Variants in FLRT3 observed in about 807,000 individuals in gnomAD.
The protein encoded by FLRT3 is leucine-rich repeat transmembrane protein FLRT3.
A neutral mutation model predicts 42.6 loss-of-function variants in FLRT3; 17 were observed. The observed-to-expected ratio is 0.40, with a 90% CI of 0.27 to 0.60. The LOEUF (loss-of-function observed/expected upper bound fraction) is 0.60. Among genes scored for constraint, FLRT3 ranks in the 20% least tolerant of loss-of-function variants. The pLI is 0.44. For missense variants in FLRT3, 635 were observed against 789.2 expected, an observed-to-expected ratio of 0.80 and a Z score of 2.34; for synonymous variants, 279 against 286.4, an observed-to-expected ratio of 0.97 and a Z score of 0.26.
At chr20:14,330,276 T>C (rs567446186) in intron 1 of FLRT3, among the ~76,000 whole-genome samples, 13 of 152,158 alleles carry the variant, frequency 8.5e-5, no homozygotes, top group African/African-American at 3.1e-4. Flanking sequence ...TGCACGAAGA[T>C]TTTTTGAGAG....
intron 2 of FLRT3, chr20:14,328,777 A>C (rs1379674070): frequency 3.3e-5 from 5 of 152,122 alleles, no homozygotes; most frequent in Admixed American, 3.3e-4. Context: ...GCTGCAGTTC[A>C]GCATGGTGGG....
At chr20:14,332,084 A>G (rs1026938322) in intron 1 of FLRT3, among the ~76,000 whole-genome samples, 27 of 152,204 alleles carry the variant, frequency 1.8e-4, no homozygotes, top group Admixed American at 9.2e-4. Flanking sequence ...TTATTTAACT[A>G]TAAAACACTT....
intron 1 of FLRT3, among the ~76,000 whole-genome samples, chr20:14,331,762 C>A (rs892403931): frequency 1.3e-5 from 2 of 152,038 alleles, no homozygotes; most frequent in African/African-American, 4.8e-5. Flanking sequence ...CAAAAATGAA[C>A]GATCCTCTCC....
chr20:14,325,662 A>G lies in FLRT3; in HGVS notation c.1845T>C (p.Phe615=). 6.2e-7 allele frequency: 1 copy of G among 1,613,802 alleles called. No homozygotes were observed. Among genetic ancestry groups the G allele is most frequent in the Non-Finnish European group, 8.5e-7 (1 of 1,179,782 alleles). ...SKEEFVIHTI[F]PPNGMNLYKN... is the part of the protein sequence containing the mutation. The stretch of plus-strand genomic sequence containing the variant: ...TGTACAGATTCATTCCATTAGGAGG[A>G]AATATGGTGTGTATTACAAACTCCT... Residue 615 remains phenylalanine (F), a synonymous_variant, in exon 3 of 3, where the codon TTT becomes TTC. Transcript: ENST00000341420.
rs2082720411 is a variant in FLRT3, at chr20:14,325,624, C to T, written c.1883G>A (p.Ser628Asn). 3 of 1,613,504 alleles carry T rather than the reference C, an allele frequency of 1.9e-6. No individual in the cohort carries two copies. Among genetic ancestry groups the T allele is most frequent in the African/African-American group, 2.7e-5 (2 of 74,856 alleles). The change falls in exon 3 of 3, where the codon AGT becomes AAT. Residue 628 changes from serine (S) to asparagine (N), a missense_variant. Coordinates refer to ENST00000341420, the MANE Select transcript of FLRT3 (RefSeq NM_198391.3). The part of the protein sequence containing the change: ...NGMNLYKNNH[S>N]ESSSNRSYRD... ...GTAGCTTCGGTTACTACTGCTTTCA[C>T]TGTGATTGTTTTTGTACAGATTCAT...
Position 14,324,520 on chromosome 20 carries a change from A to G in FLRT3, c.*1037T>C, listed in dbSNP as rs2082704125. 3.3e-5 allele frequency: 5 copies of G among 152,622 alleles called. No homozygotes were observed. The South Asian group carries it at 1.0e-3, about 32-fold the overall frequency. 9.5% of individuals were successfully genotyped at this position (152,622 alleles called of 1,614,324 possible). A position where few individuals can be genotyped will look rare whatever the true frequency, so the allele number is the denominator to read the frequency against. On this transcript the variant is annotated 3_prime_UTR_variant, in exon 3 of 3. Coordinates refer to ENST00000341420, the MANE Select transcript of FLRT3 (RefSeq NM_198391.3). ...ACCAGATCTAAATTTGATGTCTAGT[A>G]TTTATTTTTCTTTAAATTATCTCTT...
chr20:14,336,430 C>T (rs924450504), intron 1 of FLRT3, among the ~76,000 whole-genome samples: 19 of 152,184 alleles, frequency 1.2e-4, no homozygotes, highest in African/African-American at 4.6e-4. Flanking sequence ...TACCTATATG[C>T]AACCATTTTG....
At chr20:14,330,100 A>T (rs2082806567) in intron 1 of FLRT3, among the ~76,000 whole-genome samples, 1 of 152,040 alleles carries the variant, frequency 6.6e-6, no homozygotes, top group African/African-American at 2.4e-5. Flanking sequence ...CCTTGTAGTG[A>T]CCATTAGGAA....
chr20:14,326,564 A>G lies in FLRT3; in HGVS notation c.943T>C (p.Trp315Arg). The change falls in exon 3 of 3, where the codon TGG (tryptophan) becomes CGG (arginine). Residue 315 changes from tryptophan (W) to arginine (R), a missense_variant. By Grantham distance (101) the Trp-to-Arg change is moderately radical. Transcript: ENST00000341420. The surrounding 1 kb of genome is among the most constrained non-coding windows in gnomAD (Gnocchi z 5.5). ...NPWYCGCKMK[W>R]VRDWLQSLPV... Reference sequence around the variant, plus strand: ...AGTGATTGTAACCAGTCACGTACCCATTTCATCTTGCACCCGCAATACCAG... The same window carrying G: ...AGTGATTGTAACCAGTCACGTACCCGTTTCATCTTGCACCCGCAATACCAG... 6.2e-7 allele frequency: 1 copy of G among 1,613,898 alleles called. No individual in the cohort carries two copies. Among genetic ancestry groups the G allele is most frequent in the Admixed American group, 1.7e-5 (1 of 59,976 alleles).
chr20:14,327,456 C>G lies in FLRT3; in HGVS notation c.51G>C (p.Leu17=). The G allele has an allele frequency of 1.2e-6, 2 of 1,613,440 alleles. No homozygotes were observed. Among genetic ancestry groups the G allele is most frequent in the Non-Finnish European group, 1.7e-6 (2 of 1,179,584 alleles). Reference sequence around the variant, plus strand: ...CTGATAGAGGTGCTACTTGAAGGAACAGCCCAATTTTAGTCCCGATGAGGA... The same window carrying G: ...CTGATAGAGGTGCTACTTGAAGGAAGAGCCCAATTTTAGTCCCGATGAGGA... ...SIFLIGTKIG[L]FLQVAPLSVM... Residue 17 remains leucine, a synonymous_variant, in exon 3 of 3, where the codon CTG becomes CTC. Coordinates refer to ENST00000341420, the MANE Select transcript of FLRT3 (RefSeq NM_198391.3).
chr20:14,333,457 G>T (rs2082879604), intron 1 of FLRT3, among the ~76,000 whole-genome samples: 1 of 152,162 alleles, frequency 6.6e-6, no homozygotes. Context: ...ATGAATTAGA[G>T]AACAAGAGTT....
chr20:14,331,302 A>T (rs980931652), intron 1 of FLRT3, among the ~76,000 whole-genome samples: 1 of 152,124 alleles, frequency 6.6e-6, no homozygotes, highest in African/African-American at 2.4e-5. Context: ...TTTTTAACCC[A>T]GAGAATGAAA....
At chr20:14,328,407 G>GT (rs1215553620) in intron 2 of FLRT3, among the ~76,000 whole-genome samples, 1 of 152,044 alleles carries the variant, frequency 6.6e-6, no homozygotes, top group African/African-American at 2.4e-5. Context: ...TGTTGTCACA[G>GT]TGCATTTATA....
intron 1 of FLRT3, among the ~76,000 whole-genome samples, chr20:14,332,206 T>G (rs1046311630): frequency 1.3e-5 from 2 of 152,122 alleles, no homozygotes; most frequent in East Asian, 1.9e-4. Context: ...AATTGTGGGG[T>G]TTTTTTGCAT....
At chr20:14,331,974 C>T (rs2082850343) in intron 1 of FLRT3, among the ~76,000 whole-genome samples, 1 of 152,082 alleles carries the variant, frequency 6.6e-6, no homozygotes, top group South Asian at 2.1e-4. Flanking sequence ...ATGAATCGAT[C>T]TTTTAGAAAA....
At position 14,325,701 on chromosome 20, in the gene FLRT3, T is replaced by G; in HGVS notation, c.1806A>C (p.Glu602Asp). 1 of 1,613,926 alleles carries G rather than the reference T, an allele frequency of 6.2e-7. No homozygotes were observed. The highest frequency in any genetic ancestry group is 8.5e-7 in the Non-Finnish European group (1 of 1,179,856). Reference sequence around the variant, plus strand: ...TTACAAACTCCTCCTTCGAGATGGGTTCATTGCTTATTGGTAACATCTGAA... The same window carrying G: ...TTACAAACTCCTCCTTCGAGATGGGGTCATTGCTTATTGGTAACATCTGAA... ...TSFQMLPISNEPISKEEFVIH... is the reference protein window; with the variant it reads ...TSFQMLPISNDPISKEEFVIH... Residue 602 changes from glutamate (E) to aspartate (D), a missense_variant, in exon 3 of 3, where the codon GAA becomes GAC. Glu to Asp is a conservative substitution (Grantham distance 45). Coordinates refer to ENST00000341420, the MANE Select transcript of FLRT3 (RefSeq NM_198391.3).
chr20:14,332,566 A>AT (rs1568563000), intron 1 of FLRT3, among the ~76,000 whole-genome samples: 1 of 152,158 alleles, frequency 6.6e-6, no homozygotes, highest in Admixed American at 6.6e-5. Flanking sequence ...ATCATTAGTC[A>AT]TTTTTTAAAA....
rs2082684295 is a variant in FLRT3, at chr20:14,323,307, G to A, written c.*2250C>T. The A allele has an allele frequency of 6.6e-6, 1 of 152,134 alleles. No individual in the cohort carries two copies. Among genetic ancestry groups the A allele is most frequent in the South Asian group, 2.1e-4 (1 of 4,820 alleles). 9.4% of individuals were successfully genotyped at this position (152,134 alleles called of 1,614,324 possible). Reference sequence around the variant, plus strand: ...ACAGCTCACAAAATGCAAGGAAACAGATTTACTGACGTATTATAAAGGATG... The same window carrying A: ...ACAGCTCACAAAATGCAAGGAAACAAATTTACTGACGTATTATAAAGGATG... On this transcript the variant is annotated 3_prime_UTR_variant, in exon 3 of 3. Coordinates refer to ENST00000341420, the MANE Select transcript of FLRT3 (RefSeq NM_198391.3).
intron 1 of FLRT3, among the ~76,000 whole-genome samples, chr20:14,333,352 T>G (rs1165657435): frequency 6.6e-6 from 1 of 152,200 alleles, no homozygotes; most frequent in Non-Finnish European, 1.5e-5. Flanking sequence ...CTTGTAAAGT[T>G]AAATCAAGCA....
Sources: gnomAD v4.1 joint callset for allele counts (sites outside exome capture counted in the v4.1 genomes callset) on GRCh38, gnomAD v4.1.1 for gene constraint, Gnocchi (gnomAD v3.1) non-coding constraint, MANE v1.5 for transcripts, NCBI Gene and HGNC (gene_info 2026-07-23, HGNC 2026-07-21) for gene names.